The following DPYD variants were observed in gnomAD, a reference collection of about 807,000 sequenced individuals.
DPYD encodes dihydropyrimidine dehydrogenase, also known as dihydropyrimidine dehydrogenase [NADP(+)].
In DPYD, 109 loss-of-function variants were observed where a neutral mutation model predicts 116.2. That is an observed-to-expected ratio of 0.94 (90% confidence interval 0.80 to 1.10). The LOEUF (loss-of-function observed/expected upper bound fraction) is 1.10, where lower values mean the gene tolerates loss of function less well. Among genes scored for constraint, DPYD ranks in the 50% least tolerant of loss-of-function variants. The probability of loss-of-function intolerance (pLI) is 0.00; values close to 1 mark genes in which losing one functional copy is unlikely to be tolerated. For synonymous variants in DPYD, 440 were observed against 432.0 expected (o/e 1.02, Z -0.23); for missense variants, 1,302 against 1,254.5 (o/e 1.04, Z -0.57).
intron 12 of DPYD, among the ~76,000 whole-genome samples, chr1:97,524,670 C>T (rs928092452): frequency 6.6e-6 from 1 of 152,108 alleles, no homozygotes; most frequent in African/African-American, 2.4e-5. Context: ...TGCTAATCAT[C>T]TCTTCTTTCT....
intron 13 of DPYD, among the ~76,000 whole-genome samples, chr1:97,511,029 T>C (rs932341842): frequency 2.8e-4 from 43 of 151,984 alleles, no homozygotes; most frequent in African/African-American, 1.0e-3. Flanking sequence ...TAGTGGAACA[T>C]CTTGATCCCC....
intron 11 of DPYD, among the ~76,000 whole-genome samples, chr1:97,564,056 T>C (rs1168490582): frequency 1.3e-5 from 2 of 152,200 alleles, no homozygotes; most frequent in East Asian, 3.8e-4. Flanking sequence ...AAATTCTTCT[T>C]GCCCAAAATA....
At chr1:97,459,687 A>G (rs1253667422) in intron 13 of DPYD, among the ~76,000 whole-genome samples, 2 of 152,146 alleles carry the variant, frequency 1.3e-5, no homozygotes, top group Non-Finnish European at 2.9e-5. Context: ...TAAAGAAAAA[A>G]TGAAGACATT....
chr1:97,355,504 T>A (rs1670383899), intron 16 of DPYD, among the ~76,000 whole-genome samples: 1 of 152,178 alleles, frequency 6.6e-6, no homozygotes. Flanking sequence ...AAAGAACCCT[T>A]ATTATTCCTG....
chr1:97,845,885 A>C (rs1670276114), intron 2 of DPYD, among the ~76,000 whole-genome samples: 1 of 152,180 alleles, frequency 6.6e-6, no homozygotes, highest in African/African-American at 2.4e-5. Flanking sequence ...CATGTGGTAC[A>C]TCTGATCCAG....
At chr1:97,194,499 T>TTTTATTTA (rs536710292) in intron 19 of DPYD, among the ~76,000 whole-genome samples, 22 of 151,888 alleles carry the variant, frequency 1.4e-4, no homozygotes, top group African/African-American at 4.8e-4. Flanking sequence ...AGGTATATCT[T>TTTTATTTA]TTTATTTATT....
chr1:97,905,074 T>C lies in DPYD; in HGVS notation c.39+15810A>G, dbSNP rs1423859471. ...TTTATGGAAGTATACTATTTTAGAA[T>C]TGATAAAATAAAGAATTTCATAGAT... On this transcript the variant is annotated intron_variant, in intron 1 of 22. Transcript: ENST00000370192. 5.4e-4 allele frequency among the ~76,000 whole-genome samples: 82 copies of C among 152,058 alleles called. 1 individual carries two copies. Among genetic ancestry groups the C allele is most frequent in the Admixed American group, 5.3e-3 (81 of 15,242 alleles).
chr1:97,884,421 C>T (rs1323625793), intron 1 of DPYD, among the ~76,000 whole-genome samples: 2 of 151,930 alleles, frequency 1.3e-5, no homozygotes, highest in African/African-American at 4.8e-5. Flanking sequence ...CTGGGAGAGA[C>T]ACAGTGTATT....
chr1:97,390,033 T>C (rs1186155710), intron 14 of DPYD, among the ~76,000 whole-genome samples: 1 of 152,056 alleles, frequency 6.6e-6, no homozygotes, highest in African/African-American at 2.4e-5. Flanking sequence ...TTCATTAAAG[T>C]TTACACATTA....
intron 3 of DPYD, among the ~76,000 whole-genome samples, chr1:97,788,692 T>C (rs1215914429): frequency 6.6e-6 from 1 of 152,362 alleles, no homozygotes; most frequent in Admixed American, 6.5e-5. Flanking sequence ...GAATCCAACC[T>C]GATTTTCCCA....
At chr1:97,340,094 A>G (rs934287238) in intron 16 of DPYD, among the ~76,000 whole-genome samples, 3 of 152,150 alleles carry the variant, frequency 2.0e-5, no homozygotes, top group African/African-American at 7.2e-5. Context: ...ACTTTTAAAA[A>G]AGGAAAAACA....
intron 20 of DPYD, among the ~76,000 whole-genome samples, chr1:97,182,237 A>G (rs755346042): frequency 6.6e-6 from 1 of 152,148 alleles, no homozygotes; most frequent in Non-Finnish European, 1.5e-5. Context: ...TTTATAAAAC[A>G]GGTGTCTGTC....
chr1:97,383,160 C>T (rs567912310), intron 14 of DPYD, among the ~76,000 whole-genome samples: 9 of 152,086 alleles, frequency 5.9e-5, no homozygotes, highest in Non-Finnish European at 1.2e-4. Flanking sequence ...TATGAATAAT[C>T]GTGCCACTTA....
At chr1:97,109,994 A>G (rs964045743) in intron 20 of DPYD, among the ~76,000 whole-genome samples, 6 of 152,094 alleles carry the variant, frequency 3.9e-5, no homozygotes, top group African/African-American at 1.4e-4. Flanking sequence ...AGTAACAAAC[A>G]TCCATAAATC....
intron 14 of DPYD, among the ~76,000 whole-genome samples, chr1:97,401,726 GT>G (rs1224202913): frequency 6.6e-6 from 1 of 152,038 alleles, no homozygotes; most frequent in Non-Finnish European, 1.5e-5. Flanking sequence ...GATCATCTAG[GT>G]TTTCTTCTGT....
At chr1:97,317,585 G>A (rs1667934767) in intron 16 of DPYD, among the ~76,000 whole-genome samples, 2 of 151,914 alleles carry the variant, frequency 1.3e-5, no homozygotes, top group Admixed American at 1.3e-4. Context: ...TACATCTGCT[G>A]GTCTATTCAC....
intron 20 of DPYD, among the ~76,000 whole-genome samples, chr1:97,157,267 A>T (rs1405286962): frequency 2.0e-5 from 3 of 151,906 alleles, no homozygotes; most frequent in Admixed American, 2.0e-4. Flanking sequence ...AAAGTATAAT[A>T]ATAATAAAAT....
At chr1:97,517,475 T>C (rs1382305793) in intron 12 of DPYD, among the ~76,000 whole-genome samples, 2 of 152,098 alleles carry the variant, frequency 1.3e-5, no homozygotes, top group African/African-American at 4.8e-5. Flanking sequence ...TATCATCCTT[T>C]TTAAATTTCA....
At chr1:97,296,916 C>A (rs940868353) in intron 18 of DPYD, among the ~76,000 whole-genome samples, 2 of 151,880 alleles carry the variant, frequency 1.3e-5, no homozygotes, top group Non-Finnish European at 2.9e-5. Context: ...GTTATTTATT[C>A]CTAGTAGGTT....
Sources: gnomAD v4.1 joint callset for allele counts (sites outside exome capture counted in the v4.1 genomes callset) on GRCh38, gnomAD v4.1.1 for gene constraint, MANE v1.5 for transcripts, NCBI Gene and HGNC (gene_info 2026-07-23, HGNC 2026-07-21) for gene names.